The following AREG variants were observed in gnomAD, a reference collection of about 807,000 sequenced individuals.
The protein encoded by AREG is amphiregulin.
AREG carries 16 observed loss-of-function variants against 28.0 expected under a neutral mutation model. The ratio of observed to expected loss-of-function variants is 0.57; its 90% CI spans 0.39 to 0.87. The LOEUF (loss-of-function observed/expected upper bound fraction) is 0.87, where lower values mean the gene tolerates loss of function less well. Among genes scored for constraint, AREG ranks in the 40% least tolerant of loss-of-function variants. The pLI is 0.00. For synonymous variants in AREG, 113 were observed against 113.5 expected, an observed-to-expected ratio of 1.00 and a Z score of 0.02; for missense variants, 287 against 309.1, an observed-to-expected ratio of 0.93 and a Z score of 0.53.
chr4:74,449,288 C>T, intron 3 of AREG, 40 bp downstream of exon 3: 2 of 1,612,790 alleles, frequency 1.2e-6, no homozygotes, highest in Non-Finnish European at 1.7e-6. Flanking sequence ...GTATTTCTAG[C>T]ACCATGTCTG....
At chr4:74,447,725 T>C (rs1182401479) in intron 2 of AREG, among the ~76,000 whole-genome samples, 1 of 152,208 alleles carries the variant, frequency 6.6e-6, no homozygotes, top group African/African-American at 2.4e-5. Flanking sequence ...CCCTCTTGTC[T>C]GGTTCTCAGA....
At chr4:74,451,899 AG>A (rs1261878901) in intron 4 of AREG, among the ~76,000 whole-genome samples, 1 of 152,136 alleles carries the variant, frequency 6.6e-6, no homozygotes, top group Non-Finnish European at 1.5e-5. Flanking sequence ...ACTAAACCTA[AG>A]CAAAAGTTGC....
chr4:74,449,004 T>A, intron 2 of AREG, 43 bp from the exon 3 acceptor site: 1 of 1,601,584 alleles, frequency 6.2e-7, no homozygotes, highest in Non-Finnish European at 8.5e-7. Flanking sequence ...AAAATTATAT[T>A]CAAGTTTGAG....
chr4:74,453,732 C>A (rs1446601687), intron 5 of AREG, among the ~76,000 whole-genome samples: 5 of 151,946 alleles, frequency 3.3e-5, no homozygotes, highest in African/African-American at 1.2e-4. Flanking sequence ...CATGGTGAAA[C>A]CTTTTCTAAA....
chr4:74,450,283 A>G (rs1310846681), intron 3 of AREG, 97 bp from the exon 4 acceptor site: 28 of 1,593,852 alleles, frequency 1.8e-5, no homozygotes, highest in Non-Finnish European at 2.1e-5. Flanking sequence ...AACTTTTTTA[A>G]TGTTGGAATT....
chr4:74,449,303 C>T, intron 3 of AREG, 55 bp downstream of exon 3: 3 of 1,610,110 alleles, frequency 1.9e-6, no homozygotes, highest in Non-Finnish European at 2.5e-6. Context: ...TGTCTGAAAC[C>T]CCTAACTGCA....
chr4:74,448,267 C>T (rs1283968790), intron 2 of AREG, among the ~76,000 whole-genome samples: 2 of 152,178 alleles, frequency 1.3e-5, no homozygotes, highest in Non-Finnish European at 2.9e-5. Context: ...CGCATAACCA[C>T]CTCTTAAACA....
At chr4:74,445,444 C>T in intron 1 of AREG, 38 bp downstream of exon 1, 2 of 1,591,990 alleles carry the variant, frequency 1.3e-6, no homozygotes, top group Non-Finnish European at 1.7e-6. Context: ...GGGCTCTCCT[C>T]CCATGGCAGG....
At position 74,445,386 on chromosome 4, in the gene AREG, C is replaced by T; in HGVS notation, c.41C>T (p.Ser14Leu). ...PLLPPAPVVLSLLILGSGHYA... is the reference protein window; with the variant it reads ...PLLPPAPVVLLLLILGSGHYA... ...CTACCGCCGGCGCCGGTGGTGCTGTCGCTCTTGATACTCGGCTCAGGTGAG... is the reference window on the plus strand; with the variant it reads ...CTACCGCCGGCGCCGGTGGTGCTGTTGCTCTTGATACTCGGCTCAGGTGAG... The change falls in exon 1 of 6, where the codon TCG becomes TTG. Residue 14 changes from serine (S) to leucine (L), a missense_variant. Physicochemically the swap from Ser to Leu is moderately radical, Grantham distance 145. Transcript: ENST00000395748. 1.2e-6 allele frequency: 2 copies of T among 1,610,602 alleles called. No individual in the cohort carries two copies. Among genetic ancestry groups the T allele is most frequent in the Admixed American group, 1.7e-5 (1 of 59,790 alleles).
At chr4:74,454,443 T>C (rs954478494) in intron 5 of AREG, among the ~76,000 whole-genome samples, 67 of 152,336 alleles carry the variant, frequency 4.4e-4, no homozygotes, top group African/African-American at 1.5e-3. Flanking sequence ...CTGCATAGAT[T>C]TGGTTAGGAA....
chr4:74,449,020 C>T, intron 2 of AREG, 27 bp from the exon 3 acceptor site: 2 of 1,605,420 alleles, frequency 1.2e-6, no homozygotes, highest in Non-Finnish European at 1.7e-6. Context: ...TTGAGAGACT[C>T]TTGTCAATAA....
chr4:74,454,994 T>C lies in AREG; in HGVS notation c.*254T>C. The C allele has an allele frequency of 1.7e-6, 1 of 578,080 alleles. No homozygotes were observed. The highest frequency in any genetic ancestry group is 3.0e-6 in the Non-Finnish European group (1 of 329,334). 35.8% of individuals were successfully genotyped at this position (578,080 alleles called of 1,614,324 possible). ...TATTTATTTTACAGCTCATTAAACTTTTTTAACCAAACAGATTGAGAGTTT... is the reference window on the plus strand; with the variant it reads ...TATTTATTTTACAGCTCATTAAACTCTTTTAACCAAACAGATTGAGAGTTT... On this transcript the variant is annotated 3_prime_UTR_variant, in exon 6 of 6. Transcript: ENST00000395748.
chr4:74,452,224 ATCT>A (rs1719392293), intron 4 of AREG, among the ~76,000 whole-genome samples: 1 of 152,168 alleles, frequency 6.6e-6, no homozygotes, highest in African/African-American at 2.4e-5. Flanking sequence ...CTATACCATC[ATCT>A]TCTCCAATTG....
chr4:74,453,061 C>T (rs1313076297), intron 5 of AREG, among the ~76,000 whole-genome samples: 2 of 152,018 alleles, frequency 1.3e-5, no homozygotes, highest in African/African-American at 4.8e-5. Flanking sequence ...TTCGGGGTGG[C>T]CTTGGAAGTG....
At position 74,446,788 on chromosome 4, in the gene AREG, T is replaced by G; in HGVS notation, c.310+6T>G. 1 of 1,613,736 alleles carries G rather than the reference T, an allele frequency of 6.2e-7. No individual in the cohort carries two copies. Among genetic ancestry groups the G allele is most frequent in the Non-Finnish European group, 8.5e-7 (1 of 1,179,812 alleles). On this transcript the variant is annotated splice_donor_region_variant and intron_variant, in intron 2 of 5. Transcript: ENST00000395748. ...TGTCGATGATTCAGTCAGAGGTGAG[T>G]AGGGGATAAAGCAAAAATATGGCCT...
intron 3 of AREG, 44 bp from the exon 4 acceptor site, chr4:74,450,336 G>C (rs770904635): frequency 6.2e-7 from 1 of 1,613,624 alleles, no homozygotes. Flanking sequence ...AAAACACACC[G>C]CACGTTTTTG....
chr4:74,450,263 T>C, intron 3 of AREG, 117 bp from the exon 4 acceptor site: 3 of 1,511,450 alleles, frequency 2.0e-6, no homozygotes, highest in African/African-American at 1.4e-5. Flanking sequence ...AAAATACGAG[T>C]ATATGGCATA....
At chr4:74,451,043 T>C (rs1719373005) in intron 4 of AREG, among the ~76,000 whole-genome samples, 1 of 152,228 alleles carries the variant, frequency 6.6e-6, no homozygotes, top group Non-Finnish European at 1.5e-5. Flanking sequence ...TATAACATGG[T>C]ACTAATTTAC....
chr4:74,450,524 T>C lies in AREG; in HGVS notation c.657T>C (p.Ile219=). Residue 219 remains isoleucine, a synonymous_variant, in exon 4 of 6, where the codon ATT becomes ATC. Coordinates refer to ENST00000395748, the MANE Select transcript of AREG (RefSeq NM_001657.4). ...TGATCCTCACAGCTGTTGCTGTTAT[T>C]ACAGTCCAGTAAGTATGACATAACT... ...SAVILTAVAV[I]TVQLRRQYVR... is the part of the protein sequence containing the mutation. 1 of 1,613,910 alleles carries C rather than the reference T, an allele frequency of 6.2e-7. No individual in the cohort carries two copies. Among genetic ancestry groups the C allele is most frequent in the Non-Finnish European group, 8.5e-7 (1 of 1,179,842 alleles).
Sources: allele counts gnomAD v4.1 joint callset (sites outside exome capture counted in the v4.1 genomes callset), GRCh38; gene constraint gnomAD v4.1.1; transcripts MANE v1.5; gene names NCBI Gene and HGNC (gene_info 2026-07-23, HGNC 2026-07-21).